Variants in ADAMTS2 observed in about 807,000 individuals in gnomAD.
ADAMTS2 encodes ADAM metallopeptidase with thrombospondin type 1 motif 2, also known as A disintegrin and metalloproteinase with thrombospondin motifs 2.
In ADAMTS2, 50 loss-of-function variants were observed where a neutral mutation model predicts 123.0. That is an observed-to-expected ratio of 0.41 (90% CI 0.32 to 0.51). The LOEUF is 0.51. ADAMTS2 is among the 20% of genes least tolerant of loss of function. The pLI is 0.35. For synonymous variants in ADAMTS2, 678 were observed against 695.4 expected (o/e 0.98, Z 0.39); for missense variants, 1,494 against 1,705.2 (o/e 0.88, Z 2.18).
chr5:179,207,483 C>A, intron 4 of ADAMTS2, 30 bp downstream of exon 4: 1 of 1,011,112 alleles, frequency 9.9e-7, no homozygotes, highest in Non-Finnish European at 1.6e-6. Flanking sequence ...CCTCCCCGCC[C>A]CACCCTGCCC....
At chr5:179,137,985 G>T in intron 11 of ADAMTS2, 41 bp from the exon 12 acceptor site, 2 of 1,537,588 alleles carry the variant, frequency 1.3e-6, no homozygotes, top group Non-Finnish European at 8.7e-7. Context: ...CGTGCCATTG[G>T]AAAGAGGCAG....
At chr5:179,288,092 C>G (rs113051463) in intron 2 of ADAMTS2, among the ~76,000 whole-genome samples, 4 of 152,240 alleles carry the variant, frequency 2.6e-5, no homozygotes, top group Admixed American at 6.5e-5. Flanking sequence ...GAGGACCCCC[C>G]CTTTCACTTT....
intron 2 of ADAMTS2, among the ~76,000 whole-genome samples, chr5:179,287,675 G>A (rs778337850): frequency 1.3e-5 from 2 of 152,212 alleles, no homozygotes; most frequent in African/African-American, 2.4e-5. Context: ...AGCTCAGCCC[G>A]GAGAGCAGGT....
rs571784805 is a variant in ADAMTS2 at position 179,182,035 on chromosome 5, C to G, written c.892-880G>C. On this transcript the variant is annotated intron_variant, in intron 4 of 21. Coordinates refer to ENST00000251582, the MANE Select transcript of ADAMTS2 (RefSeq NM_014244.5). ...CCTAGCGCAGCCCCCTTCCTGTCAC[C>G]TCCTTTGTTGGTTAACCAAACCCTA... Among the ~76,000 whole-genome samples, 9 of 152,304 alleles carry G rather than the reference C, an allele frequency of 5.9e-5. No individual in the cohort carries two copies. In the South Asian group the frequency reaches 1.9e-3, roughly 32 times the overall value.
chr5:179,169,878 T>A (rs1412917121), intron 5 of ADAMTS2, among the ~76,000 whole-genome samples: 1 of 152,222 alleles, frequency 6.6e-6, no homozygotes, highest in Non-Finnish European at 1.5e-5. Flanking sequence ...TTGACCTGGT[T>A]TTTTATAACA....
At chr5:179,231,465 C>T (rs183478286) in intron 3 of ADAMTS2, among the ~76,000 whole-genome samples, 11 of 152,290 alleles carry the variant, frequency 7.2e-5, no homozygotes, top group African/African-American at 2.2e-4. Flanking sequence ...TGGGAGAAGA[C>T]GAGTGTCTAC....
intron 2 of ADAMTS2, among the ~76,000 whole-genome samples, chr5:179,338,728 A>C (rs564363252): frequency 8.0e-4 from 122 of 152,328 alleles, no homozygotes; most frequent in African/African-American, 2.7e-3. Flanking sequence ...TCTTAAGTGA[A>C]GGCGTGACAT....
intron 10 of ADAMTS2, among the ~76,000 whole-genome samples, chr5:179,145,167 T>C (rs1158975868): frequency 6.6e-6 from 1 of 152,134 alleles, no homozygotes; most frequent in Non-Finnish European, 1.5e-5. Flanking sequence ...ACTAGGGAAA[T>C]ACAAATCAAA....
intron 2 of ADAMTS2, among the ~76,000 whole-genome samples, chr5:179,275,711 C>T (rs1054613332): frequency 3.9e-5 from 6 of 152,242 alleles, no homozygotes; most frequent in Non-Finnish European, 7.3e-5. Context: ...TGTCCTCCCC[C>T]AGAGTCTCCA....
intron 3 of ADAMTS2, among the ~76,000 whole-genome samples, chr5:179,261,341 T>C (rs75594068): frequency 0.042 from 6,365 of 152,276 alleles, 457 homozygotes; most frequent in African/African-American, 0.15. Context: ...AAAGCCCCCG[T>C]GCTGGTGAGG....
chr5:179,113,477 T>C lies in ADAMTS2; in HGVS notation c.*390A>G. 3.5e-6 allele frequency: 1 copy of C among 289,818 alleles called. No individual in the cohort carries two copies. Among genetic ancestry groups the C allele is most frequent in the Non-Finnish European group, 6.6e-6 (1 of 151,102 alleles). 18.0% of individuals were successfully genotyped at this position (289,818 alleles called of 1,614,324 possible). A position where few individuals can be genotyped will look rare whatever the true frequency, so the allele number is the denominator to read the frequency against. On this transcript the variant is annotated 3_prime_UTR_variant, in exon 22 of 22. Transcript: ENST00000251582. The stretch of plus-strand genomic sequence containing the variant: ...TCCTAAGAGTCCCACAGGCTGTGTC[T>C]GGGGATCGGTAGGGAATGTCATGCA...
At chr5:179,203,318 C>G (rs1413361275) in intron 4 of ADAMTS2, among the ~76,000 whole-genome samples, 1 of 152,258 alleles carries the variant, frequency 6.6e-6, no homozygotes, top group Non-Finnish European at 1.5e-5. Context: ...AGACCCCGGG[C>G]TCTGGATGTG....
At chr5:179,311,716 G>C (rs562222518) in intron 2 of ADAMTS2, among the ~76,000 whole-genome samples, 2 of 151,798 alleles carry the variant, frequency 1.3e-5, no homozygotes, top group Non-Finnish European at 2.9e-5. Context: ...TAGAATCCCC[G>C]ACCCCTGATG....
intron 2 of ADAMTS2, among the ~76,000 whole-genome samples, chr5:179,335,353 G>A (rs909120932): frequency 5.9e-5 from 9 of 152,076 alleles, no homozygotes; most frequent in East Asian, 5.8e-4. Flanking sequence ...TGGGGGGTAC[G>A]AAGTCTCTGA....
intron 3 of ADAMTS2, among the ~76,000 whole-genome samples, chr5:179,212,779 G>A (rs1042422980): frequency 7.4e-6 from 1 of 134,706 alleles, no homozygotes; most frequent in Non-Finnish European, 1.6e-5. Flanking sequence ...GCAGGTGTGG[G>A]CTGAGGGCAA....
In ADAMTS2 at chr5:179,158,655, G is replaced by A; in HGVS notation, c.1132+68C>T. 1 of 1,609,674 alleles carries A rather than the reference G, an allele frequency of 6.2e-7. No individual in the cohort carries two copies. The highest frequency in any genetic ancestry group is 8.5e-7 in the Non-Finnish European group (1 of 1,178,032). On this transcript the variant is annotated intron_variant, in intron 6 of 21. Transcript: ENST00000251582. This position sits in a 1 kb window ranked among gnomAD's most constrained non-coding sequence, Gnocchi z 5.0. ...CCTGGGCTGGGCCAAGGCTCCCGGG[G>A]CCCCTTGCATGGCCAGGGGCTCATT...
chr5:179,245,786 A>AC (rs1561628527), intron 3 of ADAMTS2, among the ~76,000 whole-genome samples: 8 of 135,740 alleles, frequency 5.9e-5, no homozygotes, highest in East Asian at 2.0e-4. Context: ...AAAAAAAAAA[A>AC]AAAAAAAAAC....
chr5:179,328,924 A>G (rs1757384415), intron 2 of ADAMTS2, among the ~76,000 whole-genome samples: 1 of 152,206 alleles, frequency 6.6e-6, no homozygotes, highest in African/African-American at 2.4e-5. Flanking sequence ...CAAAGGGGAC[A>G]CTACTTTAGG....
Position 179,285,510 on chromosome 5 carries a change from T to C in ADAMTS2, c.535-12446A>G, listed in dbSNP as rs1755995019. ...TCTCCATGGCTCCTGCACACACCAATGCCGGGGTAGCCTCCAGGAAACAGA... is the reference window on the plus strand; with the variant it reads ...TCTCCATGGCTCCTGCACACACCAACGCCGGGGTAGCCTCCAGGAAACAGA... On this transcript the variant is annotated intron_variant, in intron 2 of 21. Transcript: ENST00000251582. This position sits in a 1 kb window ranked among gnomAD's most constrained non-coding sequence, Gnocchi z 4.9. 6.6e-6 allele frequency among the ~76,000 whole-genome samples: 1 copy of C among 152,122 alleles called. No individual in the cohort carries two copies. Among genetic ancestry groups the C allele is most frequent in the Non-Finnish European group, 1.5e-5 (1 of 68,014 alleles).
Sources: gnomAD v4.1 joint callset for allele counts (sites outside exome capture counted in the v4.1 genomes callset) on GRCh38, gnomAD v4.1.1 for gene constraint, Gnocchi (gnomAD v3.1) non-coding constraint, MANE v1.5 for transcripts, NCBI Gene and HGNC (gene_info 2026-07-23, HGNC 2026-07-21) for gene names.